The following BCAS3 variants were observed in gnomAD, a reference collection of about 807,000 sequenced individuals.
The protein encoded by BCAS3 is BCAS3 microtubule associated cell migration factor, also known as BCAS4/BCAS3 fusion.
In BCAS3, 53 loss-of-function variants were observed where a neutral mutation model predicts 116.1. The observed-to-expected ratio is 0.46, with a 90% CI of 0.37 to 0.57. The LOEUF is 0.57. Ranked by LOEUF, BCAS3 falls within the 20% of genes least tolerant of loss-of-function variation. The pLI, the probability that BCAS3 is intolerant of heterozygous loss-of-function variation, is 0.00. For missense variants in BCAS3, 917 were observed against 1,165.4 expected (o/e 0.79, Z 3.10); for synonymous variants, 391 against 408.2 (o/e 0.96, Z 0.51).
chr17:61,330,829 T>C (rs1213202144), intron 22 of BCAS3, among the ~76,000 whole-genome samples: 32 of 152,252 alleles, frequency 2.1e-4, no homozygotes, highest in Non-Finnish European at 1.5e-5. Flanking sequence ...TTTCTTTCCC[T>C]GGGCTTCAGT....
Position 60,896,627 on chromosome 17 carries a change from ATATAAG to A in BCAS3, c.739-5987_739-5982del, listed in dbSNP as rs770609267. ...TTGACTTTAGAGTCTGTTTTATCTA[ATATAAG>A]TATAACTACCCCTGTTCACTTTTGG... is the stretch of plus-strand genomic sequence containing the variant. On this transcript the variant is annotated intron_variant, in intron 10 of 23. Coordinates refer to ENST00000407086, the MANE Select transcript of BCAS3 (RefSeq NM_017679.5). Among the ~76,000 whole-genome samples, 105 of 151,186 alleles carry A rather than the reference ATATAAG, an allele frequency of 6.9e-4. 2 individuals carry two copies. The Middle Eastern group carries it at 0.01, about 15-fold the overall frequency.
intron 16 of BCAS3, chr17:61,027,252 A>C (rs890114908): frequency 1.4e-5 from 6 of 434,096 alleles, no homozygotes; most frequent in African/African-American, 1.0e-4. Context: ...AGTTACCTAC[A>C]TATCATGCAT....
At chr17:61,255,227 G>T (rs1443346509) in intron 22 of BCAS3, among the ~76,000 whole-genome samples, 1 of 152,104 alleles carries the variant, frequency 6.6e-6, no homozygotes, top group East Asian at 1.9e-4. Context: ...CTCTTCTCTG[G>T]TGCTTGTCAA....
intron 19 of BCAS3, among the ~76,000 whole-genome samples, chr17:61,046,227 A>G (rs2068336393): frequency 1.4e-5 from 2 of 140,022 alleles, no homozygotes; most frequent in Admixed American, 1.6e-4. Flanking sequence ...GCTTTCTCCC[A>G]GATTTCCCTT....
At chr17:61,152,890 C>A (rs768030159) in intron 22 of BCAS3, among the ~76,000 whole-genome samples, 12 of 152,136 alleles carry the variant, frequency 7.9e-5, no homozygotes, top group Non-Finnish European at 1.6e-4. Flanking sequence ...GTAAGGGAAT[C>A]CCTTATTGTT....
intron 16 of BCAS3, among the ~76,000 whole-genome samples, chr17:61,030,905 G>C (rs2066586934): frequency 6.6e-6 from 1 of 151,798 alleles, no homozygotes; most frequent in Admixed American, 6.6e-5. Context: ...GGAATTGTCA[G>C]TAGAAAGGAG....
intron 2 of BCAS3, among the ~76,000 whole-genome samples, chr17:60,682,557 T>G (rs2033329084): frequency 6.6e-6 from 1 of 152,092 alleles, no homozygotes; most frequent in African/African-American, 2.4e-5. Flanking sequence ...GAGTCTTGCT[T>G]TTTTGCCCAA....
chr17:61,178,833 A>G (rs1432337814), intron 22 of BCAS3, among the ~76,000 whole-genome samples: 1 of 152,202 alleles, frequency 6.6e-6, no homozygotes, highest in East Asian at 1.9e-4. Flanking sequence ...TAAGATGTCA[A>G]AATGTGGAAA....
At chr17:60,834,503 G>T (rs1186464010) in intron 7 of BCAS3, among the ~76,000 whole-genome samples, 4 of 151,966 alleles carry the variant, frequency 2.6e-5, no homozygotes, top group Non-Finnish European at 4.4e-5. Flanking sequence ...GTTTAGTGAA[G>T]TGGTTTCTAT....
At chr17:61,174,671 C>G (rs922276762) in intron 22 of BCAS3, among the ~76,000 whole-genome samples, 1 of 151,992 alleles carries the variant, frequency 6.6e-6, no homozygotes, top group South Asian at 2.1e-4. Context: ...CTGTATATAC[C>G]CAGTTTCAGG....
At chr17:60,932,648 A>G (rs1017875600) in intron 13 of BCAS3, among the ~76,000 whole-genome samples, 1 of 150,120 alleles carries the variant, frequency 6.7e-6, no homozygotes, top group African/African-American at 2.5e-5. Flanking sequence ...AGACTGAGGC[A>G]GAAGAATGGC....
Position 60,780,210 on chromosome 17 carries a change from A to G in BCAS3, c.404-27794A>G, listed in dbSNP as rs185691701. ...TCACTATATTGGCCAAGCTGGTCTC[A>G]AACTCCTGACCTTGTGATCTGCCCA... On this transcript the variant is annotated intron_variant, in intron 6 of 23. Transcript: ENST00000407086. Among the ~76,000 whole-genome samples, 140 of 151,602 alleles carry G rather than the reference A, an allele frequency of 9.2e-4. 1 individual carries two copies. The highest frequency in any genetic ancestry group is 2.7e-3 in the African/African-American group (113 of 41,330).
Position 61,347,526 on chromosome 17 carries a change from C to T in BCAS3, c.2426-20801C>T, listed in dbSNP as rs2057573219. On this transcript the variant is annotated intron_variant, in intron 22 of 23. Coordinates refer to ENST00000407086, the MANE Select transcript of BCAS3 (RefSeq NM_017679.5). This position sits in a 1 kb window ranked among gnomAD's most constrained non-coding sequence, Gnocchi z 4.3. The stretch of plus-strand genomic sequence containing the variant: ...TGTGCTGTGCACTGGGGACAGAGAT[C>T]TAAAAAATGAAAAGCCAGATGCTGC... Among the ~76,000 whole-genome samples, 2 of 152,194 alleles carry T rather than the reference C, an allele frequency of 1.3e-5. No individual in the cohort carries two copies.
At chr17:60,733,912 T>C (rs1295045487) in intron 5 of BCAS3, among the ~76,000 whole-genome samples, 1 of 152,048 alleles carries the variant, frequency 6.6e-6, no homozygotes, top group Non-Finnish European at 1.5e-5. Flanking sequence ...TAGATAACAG[T>C]ACTTTATCAG....
In BCAS3 at chr17:61,095,227, T is replaced by C. The variant is rs2073890223; in HGVS notation, c.2425+10663T>C. Reference sequence around the variant, plus strand: ...AACCAAAACAGCATATCAGAACAGATAGAATGCAATAGCAGATATGAGAAT... The same window carrying C: ...AACCAAAACAGCATATCAGAACAGACAGAATGCAATAGCAGATATGAGAAT... On this transcript the variant is annotated intron_variant, in intron 22 of 23. Transcript: ENST00000407086. This position sits in a 1 kb window ranked among gnomAD's most constrained non-coding sequence, Gnocchi z 4.7. 6.6e-6 allele frequency among the ~76,000 whole-genome samples: 1 copy of C among 152,196 alleles called. No individual in the cohort carries two copies. Among genetic ancestry groups the C allele is most frequent in the Non-Finnish European group, 1.5e-5 (1 of 68,026 alleles).
intron 19 of BCAS3, among the ~76,000 whole-genome samples, chr17:61,047,699 C>T (rs1055021266): frequency 2.0e-5 from 3 of 152,026 alleles, no homozygotes; most frequent in South Asian, 4.1e-4. Flanking sequence ...TACCAACCAG[C>T]TTTGAATATG....
chr17:61,015,922 C>T, intron 16 of BCAS3, 21 bp downstream of exon 16: 1 of 1,602,010 alleles, frequency 6.2e-7, no homozygotes, highest in South Asian at 1.1e-5. Context: ...AGACTTGATG[C>T]TTTTTTAACA....
At chr17:60,830,556 T>G (rs9899338) in intron 7 of BCAS3, among the ~76,000 whole-genome samples, 33,273 of 152,062 alleles carry the variant, frequency 0.22, 4,696 homozygotes, top group African/African-American at 0.41. Context: ...TGTTCAGGAT[T>G]GTACAAGGGC....
At position 60,993,692 on chromosome 17, in the gene BCAS3, A is replaced by G. The variant is rs561185399; in HGVS notation, c.1486+3457A>G. On this transcript the variant is annotated intron_variant, in intron 15 of 23. Coordinates refer to ENST00000407086, the MANE Select transcript of BCAS3 (RefSeq NM_017679.5). This position sits in a 1 kb window ranked among gnomAD's most constrained non-coding sequence, Gnocchi z 4.2. ...AACAGTCTGATGCTGGTCAAAAACA[A>G]TGTAAACCATTGAACAGGGAGGGAT... Among the ~76,000 whole-genome samples the G allele has an allele frequency of 8.3e-4, 126 of 152,280 alleles. 1 individual carries two copies. The highest frequency in any genetic ancestry group is 3.4e-3 in the Middle Eastern group (1 of 294).
Sources: gnomAD v4.1 joint callset for allele counts (sites outside exome capture counted in the v4.1 genomes callset) on GRCh38, gnomAD v4.1.1 for gene constraint, Gnocchi (gnomAD v3.1) non-coding constraint, MANE v1.5 for transcripts, NCBI Gene and HGNC (gene_info 2026-07-23, HGNC 2026-07-21) for gene names.